The following COL13A1 variants were observed in gnomAD, a reference collection of about 807,000 sequenced individuals.
COL13A1 encodes collagen type XIII alpha 1 chain, also known as collagen alpha-1(XIII) chain.
Under a neutral mutation model 130.9 loss-of-function variants are expected in COL13A1, and 89 were observed. That is an observed-to-expected ratio of 0.68 (90% CI 0.57 to 0.81). COL13A1 has a LOEUF of 0.81. Among genes scored for constraint, COL13A1 ranks in the 30% least tolerant of loss-of-function variants. The probability of loss-of-function intolerance (pLI) is 0.00; values close to 1 mark genes in which losing one functional copy is unlikely to be tolerated. For missense variants in COL13A1, 879 were observed against 934.6 expected, an observed-to-expected ratio of 0.94 and a Z score of 0.78; for synonymous variants, 402 against 341.6, an observed-to-expected ratio of 1.18 and a Z score of -1.95.
At chr10:69,811,011 C>A (rs1377459371) in intron 1 of COL13A1, among the ~76,000 whole-genome samples, 1 of 152,232 alleles carries the variant, frequency 6.6e-6, no homozygotes, top group African/African-American at 2.4e-5. Flanking sequence ...GGGCCCCTGT[C>A]TCCCTGCCTG....
intron 10 of COL13A1, among the ~76,000 whole-genome samples, chr10:69,893,654 T>G (rs2061391691): frequency 6.6e-6 from 1 of 152,232 alleles, no homozygotes; most frequent in Non-Finnish European, 1.5e-5. Flanking sequence ...ACTCCCAAGG[T>G]CTGGCCCAGT....
In COL13A1 at chr10:69,902,864, T is replaced by C; in HGVS notation, c.858+9T>C. On this transcript the variant is annotated intron_variant, in intron 15 of 40. Coordinates refer to ENST00000645393, the MANE Select transcript of COL13A1 (RefSeq NM_001368882.1). Reference sequence around the variant, plus strand: ...GGCCTATGGGGCCACCTGTAAGTATTCCCTTCCTCTCTCCTTCAAGACTTA... The same window carrying C: ...GGCCTATGGGGCCACCTGTAAGTATCCCCTTCCTCTCTCCTTCAAGACTTA... 1 of 1,505,382 alleles carries C rather than the reference T, an allele frequency of 6.6e-7. No homozygotes were observed. Among genetic ancestry groups the C allele is most frequent in the Non-Finnish European group, 8.9e-7 (1 of 1,120,378 alleles). 93.3% of individuals were successfully genotyped at this position (1,505,382 alleles called of 1,614,324 possible).
chr10:69,887,367 G>T, intron 7 of COL13A1, 89 bp from the exon 8 acceptor site: 1 of 1,353,510 alleles, frequency 7.4e-7, no homozygotes. Flanking sequence ...AAGTGAGAGG[G>T]ATGGGAGCAA....
chr10:69,822,466 C>T (rs941831451), intron 2 of COL13A1, 28 bp downstream of exon 2: 31 of 1,552,168 alleles, frequency 2.0e-5, no homozygotes, highest in South Asian at 1.8e-4. Context: ...TAGGTGACCG[C>T]GGATGTTCCT....
At chr10:69,832,345 C>T (rs1849024175) in intron 2 of COL13A1, among the ~76,000 whole-genome samples, 1 of 152,218 alleles carries the variant, frequency 6.6e-6, no homozygotes, top group Non-Finnish European at 1.5e-5. Flanking sequence ...GGAATCCCAG[C>T]TCTCTGTCTA....
Position 69,889,437 on chromosome 10 carries a change from C to T in COL13A1, c.600C>T (p.Asp200=). 1 of 1,611,918 alleles carries T rather than the reference C, an allele frequency of 6.2e-7. No individual in the cohort carries two copies. Among genetic ancestry groups the T allele is most frequent in the South Asian group, 1.1e-5 (1 of 90,276 alleles). Residue 200 remains aspartate, a synonymous_variant, in exon 10 of 41, where the codon GAC becomes GAT. Coordinates refer to ENST00000645393, the MANE Select transcript of COL13A1 (RefSeq NM_001368882.1). ...AGGGCCACCCAGGACCAAAGGGCGA[C>T]ATGGTAAGAGCCCAGCTTTCCTGCC... ...GKPGHPGPKG[D]MGLTGPPGQP... is the part of the protein sequence containing the mutation.
In COL13A1 at chr10:69,895,483, G is replaced by T. The variant is rs72805171; in HGVS notation, c.658-67G>T. On this transcript the variant is annotated intron_variant, in intron 12 of 40. Coordinates refer to ENST00000645393, the MANE Select transcript of COL13A1 (RefSeq NM_001368882.1). ...TGTGGCATGTCCTGAAGTGCTGGGG[G>T]TGCCCTGAGAAACAGGTACCCCCAA... 2.6e-6 allele frequency: 4 copies of T among 1,548,438 alleles called. No individual in the cohort carries two copies. In the African/African-American group the frequency reaches 5.4e-5, roughly 21 times the overall value.
chr10:69,928,906 T>C, intron 27 of COL13A1, 31 bp from the exon 28 acceptor site: 1 of 1,578,488 alleles, frequency 6.3e-7, no homozygotes, highest in Non-Finnish European at 8.7e-7. Context: ...CATGGGACAG[T>C]TCTTCCATGT....
Position 69,958,975 on chromosome 10 carries a change from A to C in COL13A1, c.*274A>C. On this transcript the variant is annotated 3_prime_UTR_variant, in exon 41 of 41. Coordinates refer to ENST00000645393, the MANE Select transcript of COL13A1 (RefSeq NM_001368882.1). ...ATTTATTAAGTATCGAAGCTTAATAAATTATTGTGTCCTGGTGCCAAAGGG... is the reference window on the plus strand; with the variant it reads ...ATTTATTAAGTATCGAAGCTTAATACATTATTGTGTCCTGGTGCCAAAGGG... 1 of 449,302 alleles carries C rather than the reference A, an allele frequency of 2.2e-6. No individual in the cohort carries two copies. Among genetic ancestry groups the C allele is most frequent in the Non-Finnish European group, 3.9e-6 (1 of 254,974 alleles). 27.8% of individuals were successfully genotyped at this position (449,302 alleles called of 1,614,324 possible).
chr10:69,808,904 G>A lies in COL13A1; in HGVS notation c.294+6187G>A, dbSNP rs117989066. Among the ~76,000 whole-genome samples the A allele has an allele frequency of 2.6e-4, 40 of 152,346 alleles. No individual in the cohort carries two copies. In the East Asian group the frequency reaches 6.9e-3, roughly 26 times the overall value. ...GGGGTGTTTCTCAGCAACCAGCAGA[G>A]GATGAGATGATTGACTTCTGTGTGT... On this transcript the variant is annotated intron_variant, in intron 1 of 40. Transcript: ENST00000645393.
chr10:69,831,845 A>G (rs546760888), intron 2 of COL13A1, among the ~76,000 whole-genome samples: 1 of 151,922 alleles, frequency 6.6e-6, no homozygotes, highest in East Asian at 1.9e-4. Context: ...TCCCAGTTCT[A>G]CTCCTTGTTA....
chr10:69,872,143 G>A (rs374898666), intron 3 of COL13A1, 41 bp from the exon 4 acceptor site: 121 of 1,613,476 alleles, frequency 7.5e-5, no homozygotes, highest in East Asian at 6.7e-5. Context: ...TAGGTGTTAC[G>A]ATACCTGCCT....
At chr10:69,957,802 G>T (rs375558927) in intron 40 of COL13A1, among the ~76,000 whole-genome samples, 3 of 152,014 alleles carry the variant, frequency 2.0e-5, no homozygotes, top group Admixed American at 1.3e-4. Flanking sequence ...GCCCCATACC[G>T]TCTCCCTCCA....
intron 2 of COL13A1, among the ~76,000 whole-genome samples, chr10:69,863,724 T>C (rs1564879646): frequency 6.8e-6 from 1 of 146,912 alleles, no homozygotes; most frequent in African/African-American, 2.7e-5. Context: ...GAACACAGGC[T>C]TTGCAGCAAG....
intron 9 of COL13A1, 109 bp downstream of exon 9, chr10:69,888,439 C>T: frequency 2.0e-6 from 3 of 1,466,576 alleles, no homozygotes; most frequent in Non-Finnish European, 2.8e-6. Flanking sequence ...AAAGAAAAGT[C>T]CTGGGGCTGA....
intron 10 of COL13A1, among the ~76,000 whole-genome samples, chr10:69,893,777 C>T (rs774589666): frequency 1.1e-4 from 17 of 152,190 alleles, no homozygotes; most frequent in Non-Finnish European, 2.5e-4. Context: ...TCACCTCACT[C>T]GGGAGCTGGA....
intron 1 of COL13A1, among the ~76,000 whole-genome samples, chr10:69,805,215 A>C (rs1841219579): frequency 6.6e-6 from 1 of 152,176 alleles, no homozygotes; most frequent in African/African-American, 2.4e-5. Flanking sequence ...GGTTTTCAGG[A>C]AGGCAGTTAT....
At chr10:69,820,666 T>C (rs1845833734) in intron 1 of COL13A1, among the ~76,000 whole-genome samples, 1 of 152,190 alleles carries the variant, frequency 6.6e-6, no homozygotes, top group Non-Finnish European at 1.5e-5. Flanking sequence ...TTACTCAGCC[T>C]CCCCTTTCTA....
In COL13A1 at chr10:69,951,095, C is replaced by T. The variant is rs538508383; in HGVS notation, c.2059-1787C>T. Among the ~76,000 whole-genome samples the T allele has an allele frequency of 7.8e-4, 119 of 151,938 alleles. 1 individual carries two copies. The highest frequency in any genetic ancestry group is 2.2e-3 in the African/African-American group (90 of 41,436). ...AACTCCTGACCTCCAGTGATCCGCC[C>T]GCCTCCGCCTCCCAAAGTGCTGGGA... is the stretch of plus-strand genomic sequence containing the variant. On this transcript the variant is annotated intron_variant, in intron 38 of 40. Transcript: ENST00000645393.
Sources: gnomAD v4.1 joint callset for allele counts (sites outside exome capture counted in the v4.1 genomes callset) on GRCh38, gnomAD v4.1.1 for gene constraint, MANE v1.5 for transcripts, NCBI Gene and HGNC (gene_info 2026-07-23, HGNC 2026-07-21) for gene names.